Variants in IQCJ observed in about 807,000 individuals in gnomAD.
IQCJ encodes the protein IQ domain-containing protein J.
Under a neutral mutation model 11.0 loss-of-function variants are expected in IQCJ, and 9 were observed. That is an observed-to-expected ratio of 0.82 (90% CI 0.49 to 1.43). The LOEUF (loss-of-function observed/expected upper bound fraction) is 1.43, where lower values mean the gene tolerates loss of function less well. Ranked by LOEUF, IQCJ falls within the 40% of genes most tolerant of loss-of-function variation. The probability of loss-of-function intolerance (pLI) is 0.00; values close to 1 mark genes in which losing one functional copy is unlikely to be tolerated. For synonymous variants in IQCJ, 55 were observed against 51.3 expected, an observed-to-expected ratio of 1.07 and a Z score of -0.31; for missense variants, 146 against 133.2, an observed-to-expected ratio of 1.10 and a Z score of -0.47.
At chr3:159,241,384 G>C (rs1485871483) in intron 1 of IQCJ, among the ~76,000 whole-genome samples, 1 of 151,810 alleles carries the variant, frequency 6.6e-6, no homozygotes, top group Non-Finnish European at 1.5e-5. Flanking sequence ...ACTCCAGCCC[G>C]GGTGACAGAG....
Position 159,239,012 on chromosome 3 carries a change from G to A in IQCJ, c.10-6831G>A, listed in dbSNP as rs545606294. Among the ~76,000 whole-genome samples, 5 of 152,126 alleles carry A rather than the reference G, an allele frequency of 3.3e-5. No homozygotes were observed. The South Asian group carries it at 6.2e-4, about 19-fold the overall frequency. ...GCCAGATATAAAATCAGAGACAAAT[G>A]GGACTAGCAAGAGAAACCAATGATG... On this transcript the variant is annotated intron_variant, in intron 1 of 3. Coordinates refer to ENST00000397832, the MANE Select transcript of IQCJ (RefSeq NM_001042706.3).
At chr3:159,096,188 C>G (rs1489688027) in intron 1 of IQCJ, among the ~76,000 whole-genome samples, 1 of 115,392 alleles carries the variant, frequency 8.7e-6, no homozygotes, top group Non-Finnish European at 1.7e-5. Context: ...TGTTCATGTC[C>G]TTCGCCCACT....
At chr3:159,263,780 G>A (rs1728350326), downstream of IQCJ, 14 of 985,304 alleles carry the variant, frequency 1.4e-5, no homozygotes, top group Non-Finnish European at 1.7e-5. Flanking sequence ...TAAAGAGAGA[G>A]AATAAGTTGA....
intron 1 of IQCJ, among the ~76,000 whole-genome samples, chr3:159,233,557 A>G (rs1726394818): frequency 6.6e-6 from 1 of 152,230 alleles, no homozygotes; most frequent in African/African-American, 2.4e-5. Context: ...AACTAATGTC[A>G]TCGAGCACCT....
intron 1 of IQCJ, among the ~76,000 whole-genome samples, chr3:159,092,256 A>G (rs1359768800): frequency 6.6e-6 from 1 of 151,976 alleles, no homozygotes; most frequent in African/African-American, 2.4e-5. Flanking sequence ...AGACAAATCC[A>G]GAATGTGGGA....
chr3:159,152,456 T>A (rs1294007363), intron 1 of IQCJ, among the ~76,000 whole-genome samples: 1 of 152,170 alleles, frequency 6.6e-6, no homozygotes, highest in East Asian at 1.9e-4. Flanking sequence ...TACGTTACCA[T>A]GTGTCTGAAC....
chr3:159,233,803 T>G (rs1726412932), intron 1 of IQCJ, among the ~76,000 whole-genome samples: 1 of 152,118 alleles, frequency 6.6e-6, no homozygotes, highest in Non-Finnish European at 1.5e-5. Context: ...CACTTTAGAG[T>G]ACACAAAACA....
chr3:159,090,135 AACAG>A (rs1206900389), intron 1 of IQCJ, among the ~76,000 whole-genome samples: 2 of 151,652 alleles, frequency 1.3e-5, no homozygotes, highest in Non-Finnish European at 2.9e-5. Context: ...TTTTCCTTCT[AACAG>A]ACAGGACCCT....
At chr3:159,261,494 T>A (rs1728202446) in intron 3 of IQCJ, among the ~76,000 whole-genome samples, 1 of 152,142 alleles carries the variant, frequency 6.6e-6, no homozygotes, top group Non-Finnish European at 1.5e-5. Context: ...CATGGGGCAA[T>A]TTCCCCCATG....
At chr3:159,152,634 C>CAA (rs1721297558) in intron 1 of IQCJ, among the ~76,000 whole-genome samples, 1 of 152,194 alleles carries the variant, frequency 6.6e-6, no homozygotes, top group Non-Finnish European at 1.5e-5. Flanking sequence ...ATTCTGTGAA[C>CAA]AATCATTGAG....
At chr3:159,209,657 C>G (rs1306361361) in intron 1 of IQCJ, among the ~76,000 whole-genome samples, 1 of 152,148 alleles carries the variant, frequency 6.6e-6, no homozygotes, top group Non-Finnish European at 1.5e-5. Flanking sequence ...GGGGGTTGTT[C>G]CTGCCAGCGC....
intron 1 of IQCJ, among the ~76,000 whole-genome samples, chr3:159,116,554 T>G (rs1177000991): frequency 6.8e-6 from 1 of 146,618 alleles, no homozygotes; most frequent in African/African-American, 2.5e-5. Context: ...TAGAATCTGT[T>G]AACATGCATT....
At chr3:159,190,214 T>G (rs912885469) in intron 1 of IQCJ, among the ~76,000 whole-genome samples, 3 of 152,192 alleles carry the variant, frequency 2.0e-5, no homozygotes, top group African/African-American at 7.2e-5. Context: ...CAACCAAGAC[T>G]CTTCTGGATT....
intron 1 of IQCJ, among the ~76,000 whole-genome samples, chr3:159,115,794 C>T (rs528885469): frequency 6.6e-6 from 1 of 152,170 alleles, no homozygotes; most frequent in Admixed American, 6.5e-5. Context: ...GCATTCTCAG[C>T]AAACTAACAC....
At chr3:159,169,535 C>G (rs1450766832) in intron 1 of IQCJ, among the ~76,000 whole-genome samples, 1 of 151,996 alleles carries the variant, frequency 6.6e-6, no homozygotes, top group Non-Finnish European at 1.5e-5. Flanking sequence ...GGTAATCCAC[C>G]CGCCTCGGCC....
At chr3:159,123,584 T>C (rs1385633288) in intron 1 of IQCJ, among the ~76,000 whole-genome samples, 1 of 151,894 alleles carries the variant, frequency 6.6e-6, no homozygotes, top group Non-Finnish European at 1.5e-5. Context: ...ACAGAATGGG[T>C]TATGGGGTGG....
intron 1 of IQCJ, among the ~76,000 whole-genome samples, chr3:159,202,633 A>G (rs1394218240): frequency 6.6e-6 from 1 of 152,140 alleles, no homozygotes; most frequent in Non-Finnish European, 1.5e-5. Context: ...AATGTTCTAT[A>G]GTGGCAAGCT....
intron 1 of IQCJ, among the ~76,000 whole-genome samples, chr3:159,245,420 G>T (rs1727201909): frequency 6.8e-6 from 1 of 146,794 alleles, no homozygotes; most frequent in Non-Finnish European, 1.5e-5. Flanking sequence ...TTGTATTTTT[G>T]TGTGTTTAAA....
chr3:159,076,503 T>G (rs1715926976), intron 1 of IQCJ, among the ~76,000 whole-genome samples: 1 of 152,110 alleles, frequency 6.6e-6, no homozygotes, highest in Non-Finnish European at 1.5e-5. Flanking sequence ...GTCTTGATTT[T>G]CTTATCTGTA....
Sources: gnomAD v4.1 joint callset for allele counts (sites outside exome capture counted in the v4.1 genomes callset) on GRCh38, gnomAD v4.1.1 for gene constraint, MANE v1.5 for transcripts, NCBI Gene and HGNC (gene_info 2026-07-23, HGNC 2026-07-21) for gene names.